The following YES1 variants were observed in gnomAD, a reference collection of about 807,000 sequenced individuals.
The protein encoded by YES1 is YES proto-oncogene 1, Src family tyrosine kinase, also known as tyrosine-protein kinase Yes.
YES1 carries 39 observed loss-of-function variants against 70.4 expected under a neutral mutation model. The observed-to-expected ratio is 0.55, with a 90% confidence interval of 0.43 to 0.72. The LOEUF is 0.72. Ranked by LOEUF, YES1 falls within the 30% of genes least tolerant of loss-of-function variation. The pLI is 0.00. For missense variants in YES1, 495 were observed against 644.8 expected, an observed-to-expected ratio of 0.77 and a Z score of 2.52; for synonymous variants, 198 against 218.6, an observed-to-expected ratio of 0.91 and a Z score of 0.83.
At chr18:785,330 A>G (rs1224507531) in intron 1 of YES1, among the ~76,000 whole-genome samples, 1 of 152,186 alleles carries the variant, frequency 6.6e-6, no homozygotes, top group Non-Finnish European at 1.5e-5. Flanking sequence ...TCATCTATCT[A>G]AATAGGTCTT....
rs755369334 is a variant in YES1, at chr18:788,218, AAG to A, written c.-9+23894_-9+23895del. Among the ~76,000 whole-genome samples, 22 of 152,246 alleles carry A rather than the reference AAG, an allele frequency of 1.4e-4. 1 individual carries two copies. The highest frequency in any genetic ancestry group is 2.6e-4 in the Admixed American group (4 of 15,282). On this transcript the variant is annotated intron_variant, in intron 1 of 11. Coordinates refer to ENST00000314574, the MANE Select transcript of YES1 (RefSeq NM_005433.4). ...AGTTCAATAAAGCTGTTATATTAAA[AAG>A]AGATACAAAGTTTTTGATTCAAAAA... is the stretch of plus-strand genomic sequence containing the variant.
At chr18:798,395 A>T (rs1906648627) in intron 1 of YES1, among the ~76,000 whole-genome samples, 1 of 152,204 alleles carries the variant, frequency 6.6e-6, no homozygotes, top group Non-Finnish European at 1.5e-5. Flanking sequence ...TAAGAGCTTC[A>T]CAACCCTCTT....
At chr18:750,089 C>T (rs530584488) in intron 3 of YES1, among the ~76,000 whole-genome samples, 14 of 152,268 alleles carry the variant, frequency 9.2e-5, no homozygotes, top group African/African-American at 3.1e-4. Context: ...TGAAAAGGCA[C>T]TGTCTAAATT....
At chr18:785,967 TA>T (rs1478281488) in intron 1 of YES1, among the ~76,000 whole-genome samples, 1 of 152,110 alleles carries the variant, frequency 6.6e-6, no homozygotes, top group Non-Finnish European at 1.5e-5. Flanking sequence ...TCCCTCACTC[TA>T]ACCCTCTCTC....
chr18:764,895 G>A (rs572439535), intron 1 of YES1, among the ~76,000 whole-genome samples: 16 of 151,734 alleles, frequency 1.1e-4, no homozygotes, highest in African/African-American at 3.9e-4. Flanking sequence ...ACCACACCCG[G>A]CTAATTTTTT....
intron 1 of YES1, among the ~76,000 whole-genome samples, chr18:774,030 A>G (rs1052906077): frequency 6.6e-6 from 1 of 152,032 alleles, no homozygotes; most frequent in African/African-American, 2.4e-5. Context: ...ACGGGGTTTC[A>G]CCATCTTGGC....
At chr18:750,590 G>A (rs2080331227) in intron 3 of YES1, among the ~76,000 whole-genome samples, 1 of 152,074 alleles carries the variant, frequency 6.6e-6, no homozygotes, top group Admixed American at 6.6e-5. Flanking sequence ...GAGAACCATT[G>A]GTCTAAAAGA....
rs2079960305 is a variant in YES1 at position 722,220 on chromosome 18, GT to G, written c.*2203del. The G allele has an allele frequency of 1.3e-5, 2 of 152,578 alleles. No homozygotes were observed. The highest frequency in any genetic ancestry group is 2.4e-5 in the African/African-American group (1 of 41,434). The allele number at this position is 152,578 out of a possible 1,614,324, so 9.5% of individuals were successfully genotyped here. A position where few individuals can be genotyped will look rare whatever the true frequency, so the allele number is the denominator to read the frequency against. On this transcript the variant is annotated 3_prime_UTR_variant, in exon 12 of 12. Coordinates refer to ENST00000314574, the MANE Select transcript of YES1 (RefSeq NM_005433.4). The stretch of plus-strand genomic sequence containing the variant: ...GCCCTTAAAAAATCTCATGTCACAA[GT>G]TGTTGATAAGAGGAAATAATGACAG...
chr18:787,144 TGGA>T (rs1191973301), intron 1 of YES1, among the ~76,000 whole-genome samples: 2 of 117,188 alleles, frequency 1.7e-5, no homozygotes, highest in African/African-American at 6.5e-5. Context: ...TGGCCCAGGC[TGGA>T]GGAGTGCAGT....
At chr18:766,734 T>C (rs553151315) in intron 1 of YES1, among the ~76,000 whole-genome samples, 15 of 152,244 alleles carry the variant, frequency 9.9e-5, no homozygotes, top group Non-Finnish European at 1.6e-4. Flanking sequence ...GACGTGACTG[T>C]TCAAATCAGT....
chr18:810,852 C>T (rs973767835), intron 1 of YES1, among the ~76,000 whole-genome samples: 1 of 152,032 alleles, frequency 6.6e-6, no homozygotes, highest in African/African-American at 2.4e-5. Flanking sequence ...AATATATGAA[C>T]ATCGTAAGTG....
intron 1 of YES1, among the ~76,000 whole-genome samples, chr18:801,719 CAGAG>C (rs527951347): frequency 6.6e-6 from 1 of 151,682 alleles, no homozygotes; most frequent in African/African-American, 2.4e-5. Context: ...TGTGTATATA[CAGAG>C]AGAGAGAGAA....
At chr18:779,806 T>G (rs1486650667) in intron 1 of YES1, among the ~76,000 whole-genome samples, 3 of 152,212 alleles carry the variant, frequency 2.0e-5, no homozygotes, top group African/African-American at 7.2e-5. Flanking sequence ...CAAGCCCTTA[T>G]GTCAATTAAA....
intron 11 of YES1, 88 bp from the exon 12 acceptor site, chr18:724,720 A>G: frequency 1.0e-6 from 1 of 991,810 alleles, no homozygotes; most frequent in Non-Finnish European, 1.5e-6. Context: ...TAACTCATTC[A>G]AAGTATATTA....
intron 11 of YES1, among the ~76,000 whole-genome samples, chr18:725,660 G>A (rs1028738615): frequency 2.3e-4 from 35 of 151,950 alleles, no homozygotes; most frequent in Admixed American, 2.0e-4. Context: ...AGGCCAAGGC[G>A]GGTGATCATC....
At chr18:812,461 A>G (rs1182778917), upstream of YES1, 5 of 151,724 alleles carry the variant, frequency 3.3e-5, no homozygotes, top group African/African-American at 1.2e-4. Context: ...TCCGGCGCCT[A>G]CGCCCCCGTC....
chr18:810,948 C>T (rs1907343466), intron 1 of YES1, among the ~76,000 whole-genome samples: 1 of 151,040 alleles, frequency 6.6e-6, no homozygotes, highest in African/African-American at 2.5e-5. Context: ...GTGCCAAGCA[C>T]TGTGATAGTT....
intron 8 of YES1, among the ~76,000 whole-genome samples, chr18:740,739 C>A (rs2080207739): frequency 6.6e-6 from 1 of 152,166 alleles, no homozygotes; most frequent in Non-Finnish European, 1.5e-5. Context: ...TATTCTAAAT[C>A]TCTCCCGCCT....
At chr18:727,923 C>T (rs1435502741) in intron 11 of YES1, among the ~76,000 whole-genome samples, 2 of 152,092 alleles carry the variant, frequency 1.3e-5, no homozygotes, top group African/African-American at 4.8e-5. Flanking sequence ...GGCTGAGTAT[C>T]CCTTATCTGA....
Sources: gnomAD v4.1 joint callset for allele counts (sites outside exome capture counted in the v4.1 genomes callset) on GRCh38, gnomAD v4.1.1 for gene constraint, MANE v1.5 for transcripts, NCBI Gene and HGNC (gene_info 2026-07-23, HGNC 2026-07-21) for gene names.